Variants in TENM2 observed in about 807,000 individuals in gnomAD.
The protein encoded by TENM2 is teneurin transmembrane protein 2.
In TENM2, 52 loss-of-function variants were observed where a neutral mutation model predicts 245.2. The observed-to-expected ratio is 0.21, with a 90% CI of 0.17 to 0.27. The LOEUF is 0.27. Ranked by LOEUF, TENM2 falls within the 10% of genes least tolerant of loss-of-function variation. The pLI, the probability that TENM2 is intolerant of heterozygous loss-of-function variation, is 1.00. For synonymous variants in TENM2, 1,363 were observed against 1,438.9 expected, an observed-to-expected ratio of 0.95 and a Z score of 1.19; for missense variants, 3,046 against 3,666.8, an observed-to-expected ratio of 0.83 and a Z score of 4.37.
chr5:167,283,186 G>A (rs1401388017), upstream of TENM2, among the ~76,000 whole-genome samples: 1 of 151,932 alleles, frequency 6.6e-6, no homozygotes, highest in Non-Finnish European at 1.5e-5. Context: ...TGTGATTATA[G>A]GTGCCCGCCA....
intron 12 of TENM2, among the ~76,000 whole-genome samples, chr5:168,154,011 C>G (rs1180869714): frequency 6.6e-6 from 1 of 152,048 alleles, no homozygotes; most frequent in Non-Finnish European, 1.5e-5. Context: ...ACAGGCCAGG[C>G]TGGACTCCAG....
At chr5:167,868,782 T>A (rs1423276209) in intron 2 of TENM2, among the ~76,000 whole-genome samples, 3 of 146,838 alleles carry the variant, frequency 2.0e-5, no homozygotes, top group Non-Finnish European at 4.5e-5. Flanking sequence ...TTGTTAGGGG[T>A]CATTTTGCAT....
At chr5:167,359,605 C>T (rs1401700956) in intron 1 of TENM2, among the ~76,000 whole-genome samples, 7 of 151,828 alleles carry the variant, frequency 4.6e-5, no homozygotes, top group African/African-American at 1.2e-4. Context: ...GCTTTTGTTG[C>T]GATTGCTAGG....
chr5:167,970,896 A>C (rs774976621), intron 4 of TENM2, among the ~76,000 whole-genome samples: 76 of 152,032 alleles, frequency 5.0e-4, no homozygotes, highest in Non-Finnish European at 8.8e-4. Flanking sequence ...ATTTCAATAT[A>C]ATCGTGTGTG....
At chr5:167,193,386 A>G in the TENM2 span, among the ~76,000 whole-genome samples, 2 of 151,396 alleles carry the variant, frequency 1.3e-5, no homozygotes, top group African/African-American at 4.9e-5. Flanking sequence ...TAGGCAGGGG[A>G]TATCTTTGTT....
At chr5:167,115,397 G>T in the TENM2 span, among the ~76,000 whole-genome samples, 1 of 152,100 alleles carries the variant, frequency 6.6e-6, no homozygotes, top group African/African-American at 2.4e-5. Flanking sequence ...TGATACGAAG[G>T]GCTGCATTTT....
intron 1 of TENM2, among the ~76,000 whole-genome samples, chr5:167,346,141 T>C (rs895940023): frequency 6.6e-6 from 1 of 152,204 alleles, no homozygotes; most frequent in Non-Finnish European, 1.5e-5. Flanking sequence ...TTTTATCTAT[T>C]TGTTTAAAGA....
the TENM2 span, among the ~76,000 whole-genome samples, chr5:167,022,725 C>G: frequency 6.6e-6 from 1 of 152,114 alleles, no homozygotes; most frequent in Non-Finnish European, 1.5e-5. Flanking sequence ...AGCTGCCCCT[C>G]CCTTTATGGA....
intron 13 of TENM2, 148 bp downstream of exon 15, chr5:168,162,905 C>G (rs2152452686): frequency 2.0e-6 from 2 of 991,052 alleles, no homozygotes; most frequent in Admixed American, 2.4e-5. Flanking sequence ...CAGCAGAGAA[C>G]AGGTGTCCTT....
chr5:167,662,009 T>C (rs540747535), intron 2 of TENM2, among the ~76,000 whole-genome samples: 3 of 152,324 alleles, frequency 2.0e-5, no homozygotes, highest in African/African-American at 7.2e-5. Context: ...AGGGCCTGAT[T>C]GGCCAGGTTT....
At chr5:167,103,916 T>G in the TENM2 span, among the ~76,000 whole-genome samples, 1 of 151,772 alleles carries the variant, frequency 6.6e-6, no homozygotes, top group East Asian at 1.9e-4. Context: ...ACACACACAC[T>G]TCTTGGCTCA....
chr5:167,507,052 A>AT (rs1462700695), intron 2 of TENM2, among the ~76,000 whole-genome samples: 4 of 152,184 alleles, frequency 2.6e-5, no homozygotes, highest in Non-Finnish European at 4.4e-5. Flanking sequence ...AGCCAGAAGC[A>AT]TTTTTTTGAA....
intron 11 of TENM2, 55 bp from the exon 14 acceptor site, chr5:168,126,699 C>T: frequency 1.3e-6 from 2 of 1,484,740 alleles, no homozygotes; most frequent in Non-Finnish European, 1.8e-6. Context: ...GTCTGGACTC[C>T]ATGGAAGGTT....
intron 1 of TENM2, among the ~76,000 whole-genome samples, chr5:167,317,346 CT>C (rs1253242700): frequency 2.5e-4 from 38 of 152,110 alleles, no homozygotes; most frequent in African/African-American, 8.9e-4. Context: ...ACTAAACTGT[CT>C]CTGTGGCGGT....
intron 3 of TENM2, among the ~76,000 whole-genome samples, chr5:167,933,344 G>A (rs2082490430): frequency 1.3e-5 from 2 of 152,216 alleles, no homozygotes; most frequent in Non-Finnish European, 2.9e-5. Flanking sequence ...AGTGTGTGAT[G>A]TTGTGAGCAG....
chr5:167,282,389 C>T (rs747939482), upstream of TENM2, among the ~76,000 whole-genome samples: 10 of 152,204 alleles, frequency 6.6e-5, no homozygotes, highest in Middle Eastern at 3.4e-3. Context: ...GGATTTATAT[C>T]GTCATCTTCC....
chr5:167,291,032 T>C (rs759261344), intron 1 of TENM2, among the ~76,000 whole-genome samples: 23 of 152,244 alleles, frequency 1.5e-4, no homozygotes, highest in Non-Finnish European at 2.6e-4. Context: ...AATATGTCTA[T>C]ATTTTTTGAT....
chr5:168,002,601 C>T (rs1282378882), intron 5 of TENM2, among the ~76,000 whole-genome samples: 1 of 152,180 alleles, frequency 6.6e-6, no homozygotes, highest in African/African-American at 2.4e-5. Context: ...TACAAACAGA[C>T]TTCTGGGACA....
chr5:167,163,223 T>G, the TENM2 span, among the ~76,000 whole-genome samples: 1 of 152,152 alleles, frequency 6.6e-6, no homozygotes, highest in South Asian at 2.1e-4. Context: ...TGCTTCAGCC[T>G]CCTGAATATC....
Sources: allele counts gnomAD v4.1 joint callset (sites outside exome capture counted in the v4.1 genomes callset), GRCh38; gene constraint gnomAD v4.1.1; transcripts MANE v1.5; gene names NCBI Gene and HGNC (gene_info 2026-07-23, HGNC 2026-07-21).